The following GNAS variants were observed in gnomAD, a reference collection of about 807,000 sequenced individuals.
GNAS encodes the protein protein ALEX.
Under a neutral mutation model 54.5 loss-of-function variants are expected in GNAS, and 8 were observed. The ratio of observed to expected loss-of-function variants is 0.15; its 90% CI spans 0.09 to 0.26. The LOEUF (loss-of-function observed/expected upper bound fraction) is 0.26. GNAS is among the 10% of genes least tolerant of loss of function. The pLI is 1.00. For missense variants in GNAS, 170 were observed against 529.8 expected, an observed-to-expected ratio of 0.32 and a Z score of 6.67; for synonymous variants, 204 against 191.4, an observed-to-expected ratio of 1.07 and a Z score of -0.54.
At chr20:58,880,417 C>A (rs1172096212) in intron 1 of GNAS, among the ~76,000 whole-genome samples, 1 of 152,120 alleles carries the variant, frequency 6.6e-6, no homozygotes, top group Non-Finnish European at 1.5e-5. Context: ...GTGTTTTCAG[C>A]AGTTTACCAC....
At chr20:58,871,352 C>T (rs898955834) in intron 1 of GNAS, among the ~76,000 whole-genome samples, 4 of 152,120 alleles carry the variant, frequency 2.6e-5, no homozygotes, top group Non-Finnish European at 4.4e-5. Flanking sequence ...CAGTGGTTCA[C>T]GCCTGTAATC....
intron 1 of GNAS, 90 bp from the exon 2 acceptor site, chr20:58,895,522 T>G: frequency 1.2e-6 from 1 of 808,042 alleles, no homozygotes; most frequent in Non-Finnish European, 2.2e-6. Context: ...ATGTTGCTTC[T>G]ATGGAAAAAC....
chr20:58,858,140 C>A (rs186496265), intron 1 of GNAS, among the ~76,000 whole-genome samples: 146 of 152,290 alleles, frequency 9.6e-4, no homozygotes, highest in Admixed American at 2.4e-3. Context: ...GACTTACTCA[C>A]ATGTAGGACA....
chr20:58,904,378 A>G (rs1319553268), intron 5 of GNAS, among the ~76,000 whole-genome samples: 1 of 152,214 alleles, frequency 6.6e-6, no homozygotes, highest in Non-Finnish European at 1.5e-5. Flanking sequence ...AAATATATCT[A>G]AATCATAACT....
rs1194949592 is a variant in GNAS, at chr20:58,841,536, T to C, written c.43+650T>C. 1 of 994,628 alleles carries C rather than the reference T, an allele frequency of 1.0e-6. No homozygotes were observed. The highest frequency in any genetic ancestry group is 1.2e-6 in the Non-Finnish European group (1 of 836,616). The allele number at this position is 994,628 out of a possible 1,614,324, so 61.6% of individuals were successfully genotyped here. A position where few individuals can be genotyped will look rare whatever the true frequency, so the allele number is the denominator to read the frequency against. On this transcript the variant is annotated intron_variant, in intron 1 of 12. Coordinates refer to the GNAS transcript ENST00000306090. The surrounding 1 kb of genome is among the most constrained non-coding windows in gnomAD (Gnocchi z 5.0). ...TCCGCGCCAGTGCCTCCAGCTGCCG[T>C]GCGCCAGCCTTGGCCGCCACAGCCC...
At chr20:58,906,518 A>T (rs1308876087) in intron 6 of GNAS, among the ~76,000 whole-genome samples, 3 of 150,402 alleles carry the variant, frequency 2.0e-5, no homozygotes, top group East Asian at 1.9e-4. Flanking sequence ...AGGGTTATTT[A>T]AAAAATATGT....
At chr20:58,899,684 TAC>T (rs2090426447) in intron 3 of GNAS, among the ~76,000 whole-genome samples, 1 of 151,434 alleles carries the variant, frequency 6.6e-6, no homozygotes, top group African/African-American at 2.4e-5. Context: ...TGCACATGCA[TAC>T]ACAGACACGC....
At chr20:58,905,918 GTTGA>G (rs1415685515) in intron 6 of GNAS, among the ~76,000 whole-genome samples, 3 of 151,214 alleles carry the variant, frequency 2.0e-5, no homozygotes, top group East Asian at 4.0e-4. Flanking sequence ...CTTGGTAGTT[GTTGA>G]TTGATCTATT....
chr20:58,860,692 C>T (rs982386367), intron 1 of GNAS, among the ~76,000 whole-genome samples: 7 of 152,042 alleles, frequency 4.6e-5, no homozygotes, highest in African/African-American at 1.7e-4. Context: ...GATGGAGTCT[C>T]GCTCTGTCAC....
chr20:58,901,477 C>CTGTGT (rs1453539565), intron 3 of GNAS, among the ~76,000 whole-genome samples: 2 of 152,156 alleles, frequency 1.3e-5, no homozygotes, highest in African/African-American at 4.8e-5. Flanking sequence ...ACCTCCCTGT[C>CTGTGT]ATCTGTGTTT....
At chr20:58,854,428 C>T in intron 1 of GNAS, 2 of 1,571,764 alleles carry the variant, frequency 1.3e-6, no homozygotes, top group Non-Finnish European at 1.7e-6. Context: ...GCAGCCTCAG[C>T]GGATACCGCT....
intron 1 of GNAS, among the ~76,000 whole-genome samples, chr20:58,848,311 C>T (rs190666211): frequency 6.6e-6 from 1 of 152,346 alleles, no homozygotes; most frequent in African/African-American, 2.4e-5. Context: ...CAGCACACAG[C>T]CCCTCATGAC....
chr20:58,902,127 C>A (rs892491770), intron 3 of GNAS, among the ~76,000 whole-genome samples: 1 of 148,208 alleles, frequency 6.7e-6, no homozygotes, highest in Non-Finnish European at 1.5e-5. Context: ...GTGACTCCCC[C>A]CCTCTTGGCC....
intron 1 of GNAS, among the ~76,000 whole-genome samples, chr20:58,866,084 G>T (rs146167664): frequency 6.6e-6 from 1 of 152,128 alleles, no homozygotes; most frequent in African/African-American, 2.4e-5. Context: ...CTCTAGGGTG[G>T]CAGGAGCCCC....
upstream of GNAS, chr20:58,840,448 G>C: frequency 6.2e-7 from 1 of 1,613,566 alleles, no homozygotes; most frequent in Admixed American, 1.7e-5. This position sits in a 1 kb window ranked among gnomAD's most constrained non-coding sequence, Gnocchi z 6.0. Flanking sequence ...CCGAGAGCGA[G>C]ACCGAGTCCG....
intron 3 of GNAS, chr20:58,900,154 G>T: frequency 5.1e-6 from 3 of 582,676 alleles, no homozygotes; most frequent in Non-Finnish European, 9.2e-6. Context: ...TCCTTAATTG[G>T]CAGAAATGTA....
chr20:58,868,654 G>T (rs974486940), intron 1 of GNAS, among the ~76,000 whole-genome samples: 1 of 152,186 alleles, frequency 6.6e-6, no homozygotes, highest in Non-Finnish European at 1.5e-5. Context: ...AATCCAGAAA[G>T]GGGAGAACGG....
At chr20:58,892,706 CAAAT>C (rs1568984746) in intron 1 of GNAS, among the ~76,000 whole-genome samples, 1 of 151,986 alleles carries the variant, frequency 6.6e-6, no homozygotes, top group African/African-American at 2.4e-5. Flanking sequence ...GAAGGAGAGT[CAAAT>C]AAAATAAGAC....
At chr20:58,879,336 C>T (rs1039861215) in intron 1 of GNAS, among the ~76,000 whole-genome samples, 2 of 152,150 alleles carry the variant, frequency 1.3e-5, no homozygotes, top group African/African-American at 4.8e-5. Context: ...TGGTCAATAT[C>T]GAGTCATTTA....
Sources: gnomAD v4.1 joint callset for allele counts (sites outside exome capture counted in the v4.1 genomes callset) on GRCh38, gnomAD v4.1.1 for gene constraint, Gnocchi (gnomAD v3.1) non-coding constraint, MANE v1.5 for transcripts, NCBI Gene and HGNC (gene_info 2026-07-23, HGNC 2026-07-21) for gene names.